SLC24A4: variants seen among roughly 807,000 people sequenced by gnomAD.
SLC24A4 encodes solute carrier family 24 member 4.
Under a neutral mutation model 79.0 loss-of-function variants are expected in SLC24A4, and 53 were observed. The ratio of observed to expected loss-of-function variants is 0.67; its 90% CI spans 0.54 to 0.84. The LOEUF is 0.84. SLC24A4 is among the 40% of genes least tolerant of loss of function. SLC24A4 has a pLI of 0.00. For missense variants in SLC24A4, 731 were observed against 822.0 expected (o/e 0.89, Z 1.35); for synonymous variants, 323 against 323.8 (o/e 1.00, Z 0.03).
rs1896148704 is a variant in SLC24A4, at chr14:92,501,236, T to G, written c.*7608T>G. ...AGGATATTTATCCCGCTATTTATTT[T>G]TTCAATAACTGTGACCTCCTGCACT... On this transcript the variant is annotated 3_prime_UTR_variant, in exon 17 of 17. Coordinates refer to ENST00000532405, the MANE Select transcript of SLC24A4 (RefSeq NM_153646.4). 1.3e-5 allele frequency: 2 copies of G among 152,228 alleles called. No individual in the cohort carries two copies. Among genetic ancestry groups the G allele is most frequent in the African/African-American group, 4.8e-5 (2 of 41,450 alleles). 9.4% of individuals were successfully genotyped at this position (152,228 alleles called of 1,614,324 possible).
chr14:92,358,733 G>C (rs1887325650), intron 2 of SLC24A4, among the ~76,000 whole-genome samples: 1 of 134,352 alleles, frequency 7.4e-6, no homozygotes, highest in Non-Finnish European at 1.5e-5. Context: ...GTCTCGCTCT[G>C]TCACCTAGGC....
At position 92,396,816 on chromosome 14, in the gene SLC24A4, T is replaced by C. The variant is rs555758076; in HGVS notation, c.242-37096T>C. Among the ~76,000 whole-genome samples the C allele has an allele frequency of 7.2e-5, 11 of 152,348 alleles. No homozygotes were observed. The South Asian group carries it at 2.3e-3, about 32-fold the overall frequency. On this transcript the variant is annotated intron_variant, in intron 2 of 16. Coordinates refer to ENST00000532405, the MANE Select transcript of SLC24A4 (RefSeq NM_153646.4). ...TGTGGCCGTCTGTTGAGTGGCGATG[T>C]CATGTTGACAGAGCTAATTGAAGCT...
intron 11 of SLC24A4, among the ~76,000 whole-genome samples, chr14:92,454,652 G>C (rs1219960864): frequency 6.6e-6 from 1 of 152,224 alleles, no homozygotes; most frequent in Non-Finnish European, 1.5e-5. Context: ...CTGAGAAGCA[G>C]ATGGGTTGGT....
At chr14:92,472,849 T>C (rs536690565) in intron 12 of SLC24A4, among the ~76,000 whole-genome samples, 1 of 152,350 alleles carries the variant, frequency 6.6e-6, no homozygotes, top group African/African-American at 2.4e-5. Context: ...TTTAGTTCTT[T>C]AAGGAATCTC....
chr14:92,407,871 G>GTGTGTT (rs1340005926), intron 2 of SLC24A4, among the ~76,000 whole-genome samples: 1 of 119,198 alleles, frequency 8.4e-6, no homozygotes, highest in African/African-American at 3.3e-5. Flanking sequence ...GTGTGTGTGT[G>GTGTGTT]TGTGTGTGTG....
At chr14:92,415,255 C>T (rs982192306) in intron 2 of SLC24A4, among the ~76,000 whole-genome samples, 11 of 152,134 alleles carry the variant, frequency 7.2e-5, no homozygotes, top group African/African-American at 2.2e-4. Context: ...GTGCATTCCT[C>T]GGCCAGGCTC....
In SLC24A4 at chr14:92,491,617, T is replaced by C. The variant is rs1349321259; in HGVS notation, c.1538-48T>C. Reference sequence around the variant, plus strand: ...AACAGTTAGGAGAAAGAATACAGGCTTCTGGTGACCTGCTCTTATAAAATA... The same window carrying C: ...AACAGTTAGGAGAAAGAATACAGGCCTCTGGTGACCTGCTCTTATAAAATA... On this transcript the variant is annotated intron_variant, in intron 14 of 16. Coordinates refer to ENST00000532405, the MANE Select transcript of SLC24A4 (RefSeq NM_153646.4). 2.3e-6 allele frequency: 3 copies of C among 1,283,076 alleles called. No individual in the cohort carries two copies. The South Asian group carries it at 3.6e-5, about 15-fold the overall frequency. The allele number at this position is 1,283,076 out of a possible 1,614,324, so 79.5% of individuals were successfully genotyped here.
At chr14:92,418,327 C>A (rs550897614) in intron 2 of SLC24A4, among the ~76,000 whole-genome samples, 1 of 152,292 alleles carries the variant, frequency 6.6e-6, no homozygotes, top group South Asian at 2.1e-4. Context: ...GTCCTGCTGC[C>A]AGGCTGGCCT....
chr14:92,474,857 A>ATG lies in SLC24A4; in HGVS notation c.1256-7822_1256-7821insGT, dbSNP rs1244032444. ...TGTGTGTGTGTGTATATATATATATATATATATTTTTTTTTTTTTTAGTAG... is the reference window on the plus strand; with the variant it reads ...TGTGTGTGTGTGTATATATATATATATGTATATATTTTTTTTTTTTTTAGTAG... On this transcript the variant is annotated intron_variant, in intron 12 of 16. Transcript: ENST00000532405. 1.9e-3 allele frequency among the ~76,000 whole-genome samples: 63 copies of ATG among 33,760 alleles called. 3 individuals carry two copies. Among genetic ancestry groups the ATG allele is most frequent in the Non-Finnish European group, 3.0e-3 (51 of 16,822 alleles). The allele number at this position is 33,760 out of a possible 152,430, so 22.1% of individuals were successfully genotyped here.
At position 92,492,223 on chromosome 14, in the gene SLC24A4, G is replaced by A. The variant is rs1035105090; in HGVS notation, c.1699G>A (p.Gly567Ser). The A allele has an allele frequency of 6.2e-6, 10 of 1,613,994 alleles. No homozygotes were observed. Among genetic ancestry groups the A allele is most frequent in the Admixed American group, 3.3e-5 (2 of 59,990 alleles). Residue 567 changes from glycine (G) to serine (S), a missense_variant, in exon 16 of 17, where the codon GGC becomes AGC. Physicochemically the swap from Gly to Ser is moderately conservative, Grantham distance 56. Coordinates refer to ENST00000532405, the MANE Select transcript of SLC24A4 (RefSeq NM_153646.4). ...GLVYSVVLLL[G>S]SVALTVLGIH... is the part of the protein sequence containing the mutation. ...GGTCTATTCCGTGGTCCTGTTGCTGGGCTCTGTCGCTCTCACCGTGAGTCT... is the reference window on the plus strand; with the variant it reads ...GGTCTATTCCGTGGTCCTGTTGCTGAGCTCTGTCGCTCTCACCGTGAGTCT...
chr14:92,326,682 C>T (rs972104684), intron 2 of SLC24A4, among the ~76,000 whole-genome samples: 9 of 152,154 alleles, frequency 5.9e-5, no homozygotes, highest in Admixed American at 2.0e-4. Flanking sequence ...CTGCCCAGAT[C>T]GCAGGCTGAG....
At chr14:92,492,333 C>A in intron 16 of SLC24A4, 93 bp downstream of exon 16, 1 of 1,214,440 alleles carries the variant, frequency 8.2e-7, no homozygotes, top group Non-Finnish European at 1.2e-6. Flanking sequence ...ACACCCCTGT[C>A]ACTTCCCTTG....
chr14:92,325,083 TC>T (rs925037117), intron 1 of SLC24A4, among the ~76,000 whole-genome samples: 16 of 152,210 alleles, frequency 1.1e-4, no homozygotes, highest in Admixed American at 3.9e-4. Flanking sequence ...TGGATTTTTT[TC>T]CCCCCTCAAT....
chr14:92,480,545 G>T (rs866951773), intron 12 of SLC24A4, among the ~76,000 whole-genome samples: 1 of 150,762 alleles, frequency 6.6e-6, no homozygotes, highest in Non-Finnish European at 1.5e-5. Context: ...CACCCGCCTC[G>T]GCCTCCCAAA....
intron 2 of SLC24A4, among the ~76,000 whole-genome samples, chr14:92,330,695 T>A (rs1427437752): frequency 6.6e-6 from 1 of 152,220 alleles, no homozygotes; most frequent in Non-Finnish European, 1.5e-5. Context: ...TCTACTTGGC[T>A]TGCAGATGGC....
chr14:92,465,857 T>TGTGTGGCACTCAGCTGGGCCTGCCTC, intron 12 of SLC24A4, among the ~76,000 whole-genome samples: 1 of 152,118 alleles, frequency 6.6e-6, no homozygotes, highest in Non-Finnish European at 1.5e-5. Flanking sequence ...CCTACACCTG[T>TGTGTGGCACTCAGCTGGGCCTGCCTC]GTGTGGCACT....
intron 2 of SLC24A4, among the ~76,000 whole-genome samples, chr14:92,375,165 C>A (rs528916856): frequency 6.6e-6 from 1 of 152,344 alleles, no homozygotes. Context: ...TAGTTCAACC[C>A]TTTACTCCCA....
chr14:92,353,104 C>T lies in SLC24A4; in HGVS notation c.241+27126C>T, dbSNP rs1181978728. On this transcript the variant is annotated intron_variant, in intron 2 of 16. Transcript: ENST00000532405. The surrounding 1 kb of genome is among the most constrained non-coding windows in gnomAD (Gnocchi z 4.1). ...TATCTCTGTCCCACAGCTGCCCAAA[C>T]CCCCTCCTCAAAGGCAACCCTTTAG... Among the ~76,000 whole-genome samples, 1 of 152,170 alleles carries T rather than the reference C, an allele frequency of 6.6e-6. No homozygotes were observed. The highest frequency in any genetic ancestry group is 1.5e-5 in the Non-Finnish European group (1 of 68,020).
chr14:92,474,728 C>T (rs1280331212), intron 12 of SLC24A4, among the ~76,000 whole-genome samples: 4 of 3,890 alleles, frequency 1.0e-3, no homozygotes, highest in Non-Finnish European at 1.9e-3. Flanking sequence ...TATACACACA[C>T]GTATATATAC....
Sources: allele counts gnomAD v4.1 joint callset (sites outside exome capture counted in the v4.1 genomes callset), GRCh38; gene constraint gnomAD v4.1.1; non-coding constraint Gnocchi (gnomAD v3.1); transcripts MANE v1.5; gene names NCBI Gene and HGNC (gene_info 2026-07-23, HGNC 2026-07-21).